Variants in NOVA1 observed in about 807,000 individuals in gnomAD.
NOVA1 encodes NOVA alternative splicing regulator 1.
Under a neutral mutation model 38.0 loss-of-function variants are expected in NOVA1, and 7 were observed. That is an observed-to-expected ratio of 0.18 (90% confidence interval 0.10 to 0.35). The LOEUF (loss-of-function observed/expected upper bound fraction) is 0.35. Ranked by LOEUF, NOVA1 falls within the 10% of genes least tolerant of loss-of-function variation. The probability of loss-of-function intolerance (pLI) is 1.00; values close to 1 mark genes in which losing one functional copy is unlikely to be tolerated. For missense variants in NOVA1, 460 were observed against 616.0 expected (o/e 0.75, Z 2.68); for synonymous variants, 270 against 232.5 (o/e 1.16, Z -1.47).
chr14:26,514,419 TATAAC>T (rs2138470744), intron 2 of NOVA1, among the ~76,000 whole-genome samples: 1 of 151,872 alleles, frequency 6.6e-6, no homozygotes, highest in African/African-American at 2.4e-5. Flanking sequence ...TTCATATAAT[TATAAC>T]AAAGTGTTCA....
intron 2 of NOVA1, among the ~76,000 whole-genome samples, chr14:26,507,454 T>C (rs1887726475): frequency 6.6e-6 from 1 of 152,100 alleles, no homozygotes; most frequent in Non-Finnish European, 1.5e-5. Context: ...TTGTTGAGGG[T>C]TTTATAAAGA....
At chr14:26,538,282 A>C (rs1890242682) in intron 2 of NOVA1, among the ~76,000 whole-genome samples, 1 of 152,176 alleles carries the variant, frequency 6.6e-6, no homozygotes, top group African/African-American at 2.4e-5. Context: ...AAACAAAGTA[A>C]AATAGCAAGA....
Position 26,520,219 on chromosome 14 carries a change from T to C in NOVA1, c.281-40076A>G, listed in dbSNP as rs188121215. ...TTAAACTGAATAGATTCACTTATGGTGCATTTCTTTCTACATAAACACAGA... is the reference window on the plus strand; with the variant it reads ...TTAAACTGAATAGATTCACTTATGGCGCATTTCTTTCTACATAAACACAGA... On this transcript the variant is annotated intron_variant, in intron 2 of 4. Transcript: ENST00000539517. 3.9e-4 allele frequency among the ~76,000 whole-genome samples: 59 copies of C among 152,280 alleles called. No individual in the cohort carries two copies. The East Asian group carries it at 0.011, about 28-fold the overall frequency.
Position 26,448,548 on chromosome 14 carries a change from A to C in NOVA1, c.935T>G (p.Leu312Arg). The C allele has an allele frequency of 6.2e-7, 1 of 1,614,198 alleles. No individual in the cohort carries two copies. Among genetic ancestry groups the C allele is most frequent in the Non-Finnish European group, 8.5e-7 (1 of 1,180,022 alleles). The change falls in exon 5 of 5, where the codon CTG (leucine) becomes CGG (arginine). Residue 312 changes from leucine to arginine, a missense_variant. Transcript: ENST00000539517. This position sits in a 1 kb window ranked among gnomAD's most constrained non-coding sequence, Gnocchi z 5.3. The part of the protein sequence containing the change: ...AVLSGFTGND[L>R]VAITSALNTL... Reference sequence around the variant, plus strand: ...ATTAAGTGCAGAGGTGATGGCCACCAGGTCATTGCCTGTGAAGCCAGATAA... The same window carrying C: ...ATTAAGTGCAGAGGTGATGGCCACCCGGTCATTGCCTGTGAAGCCAGATAA...
chr14:26,502,943 T>C (rs930774381), intron 2 of NOVA1, among the ~76,000 whole-genome samples: 6 of 152,090 alleles, frequency 3.9e-5, no homozygotes, highest in Non-Finnish European at 7.4e-5. Flanking sequence ...TTCATAGTTG[T>C]TTTTTCTCCT....
chr14:26,480,451 G>T (rs535769273), intron 2 of NOVA1, among the ~76,000 whole-genome samples: 1 of 152,064 alleles, frequency 6.6e-6, no homozygotes, highest in African/African-American at 2.4e-5. Flanking sequence ...AAGAACTTAG[G>T]GTTAGAAACT....
At chr14:26,510,111 TACTC>T (rs71121884) in intron 2 of NOVA1, among the ~76,000 whole-genome samples, 91,425 of 151,660 alleles carry the variant, frequency 0.6, 31,405 homozygotes, top group Non-Finnish European at 0.75. Flanking sequence ...ACTTCAGAAA[TACTC>T]ACTGAAAGAA....
At chr14:26,557,976 T>G (rs1594531848) in intron 2 of NOVA1, among the ~76,000 whole-genome samples, 1 of 151,120 alleles carries the variant, frequency 6.6e-6, no homozygotes, top group East Asian at 2.0e-4. Flanking sequence ...AAGAGGAACC[T>G]TAAACGCATC....
intron 4 of NOVA1, among the ~76,000 whole-genome samples, chr14:26,467,630 G>C (rs1175823691): frequency 6.6e-6 from 1 of 152,138 alleles, no homozygotes; most frequent in African/African-American, 2.4e-5. Context: ...AGAAAAAGGA[G>C]AGAGAAGGTA....
At chr14:26,573,714 T>G (rs998877693) in intron 2 of NOVA1, among the ~76,000 whole-genome samples, 1 of 152,146 alleles carries the variant, frequency 6.6e-6, no homozygotes, top group Non-Finnish European at 1.5e-5. Flanking sequence ...GCAAGTACAT[T>G]TACAGAGTAT....
At chr14:26,567,573 G>C (rs1340375757) in intron 2 of NOVA1, among the ~76,000 whole-genome samples, 1 of 152,050 alleles carries the variant, frequency 6.6e-6, no homozygotes, top group African/African-American at 2.4e-5. Context: ...TGGAATTATA[G>C]GCATGAGTCA....
chr14:26,545,828 TAC>T (rs1032089232), intron 2 of NOVA1, among the ~76,000 whole-genome samples: 2 of 152,168 alleles, frequency 1.3e-5, no homozygotes, highest in South Asian at 2.1e-4. Context: ...TACACATATA[TAC>T]ACACACACAT....
At chr14:26,496,740 T>G (rs968890838) in intron 2 of NOVA1, among the ~76,000 whole-genome samples, 3 of 152,206 alleles carry the variant, frequency 2.0e-5, no homozygotes, top group Non-Finnish European at 4.4e-5. Flanking sequence ...GCACCATTTA[T>G]TAAATAGGAA....
chr14:26,560,476 A>C (rs949753155), intron 2 of NOVA1, among the ~76,000 whole-genome samples: 4 of 152,172 alleles, frequency 2.6e-5, no homozygotes, highest in Non-Finnish European at 5.9e-5. Flanking sequence ...CTTAAGGGAT[A>C]AAATTGCCTC....
chr14:26,456,073 C>T (rs2138586634), intron 4 of NOVA1, among the ~76,000 whole-genome samples: 1 of 151,870 alleles, frequency 6.6e-6, no homozygotes, highest in South Asian at 2.1e-4. Context: ...TTTCAGGGCA[C>T]ATATAGTAAG....
At chr14:26,491,756 T>C (rs1886368530) in intron 2 of NOVA1, among the ~76,000 whole-genome samples, 1 of 152,168 alleles carries the variant, frequency 6.6e-6, no homozygotes, top group Non-Finnish European at 1.5e-5. Context: ...CAATTGGCTA[T>C]AGTTATGTGG....
chr14:26,575,847 G>C (rs948748334), intron 2 of NOVA1, among the ~76,000 whole-genome samples: 2 of 151,808 alleles, frequency 1.3e-5, no homozygotes, highest in Non-Finnish European at 2.9e-5. Context: ...TAAGATAAAT[G>C]TTTTTAATAA....
chr14:26,474,336 A>T (rs1884810406), intron 3 of NOVA1, among the ~76,000 whole-genome samples: 1 of 151,966 alleles, frequency 6.6e-6, no homozygotes, highest in South Asian at 2.1e-4. Flanking sequence ...TATGACATCC[A>T]CCTTGTCTTG....
At chr14:26,482,207 G>C (rs564368313) in intron 2 of NOVA1, among the ~76,000 whole-genome samples, 9 of 152,006 alleles carry the variant, frequency 5.9e-5, no homozygotes, top group Admixed American at 2.6e-4. Flanking sequence ...AGCATCTGTG[G>C]GACAATTGAA....
Sources: gnomAD v4.1 joint callset for allele counts (sites outside exome capture counted in the v4.1 genomes callset) on GRCh38, gnomAD v4.1.1 for gene constraint, Gnocchi (gnomAD v3.1) non-coding constraint, MANE v1.5 for transcripts, NCBI Gene and HGNC (gene_info 2026-07-23, HGNC 2026-07-21) for gene names.